CALN1: variants seen among roughly 807,000 people sequenced by gnomAD.
CALN1 encodes calcium-binding protein 8.
Under a neutral mutation model 30.6 loss-of-function variants are expected in CALN1, and 17 were observed. The observed-to-expected ratio is 0.56, with a 90% CI of 0.38 to 0.83. The LOEUF is 0.83. Ranked by LOEUF, CALN1 falls within the 40% of genes least tolerant of loss-of-function variation. The probability of loss-of-function intolerance (pLI) is 0.00; values close to 1 mark genes in which losing one functional copy is unlikely to be tolerated. For synonymous variants in CALN1, 156 were observed against 131.4 expected, an observed-to-expected ratio of 1.19 and a Z score of -1.28; for missense variants, 291 against 354.9, an observed-to-expected ratio of 0.82 and a Z score of 1.45.
intron 3 of CALN1, among the ~76,000 whole-genome samples, chr7:72,239,398 AAAATAAATAAAT>A (rs140300719): frequency 5.9e-5 from 9 of 151,930 alleles, no homozygotes; most frequent in African/African-American, 2.2e-4. Context: ...CTTGTCCCTA[AAAATAAATAAAT>A]AAATAAATAA....
intron 2 of CALN1, among the ~76,000 whole-genome samples, chr7:72,399,828 G>T (rs764509352): frequency 1.3e-5 from 2 of 152,084 alleles, no homozygotes; most frequent in African/African-American, 4.8e-5. Flanking sequence ...GAGGTGTTTG[G>T]GTCATGCAGG....
At chr7:72,399,834 G>T (rs1463711529) in intron 2 of CALN1, among the ~76,000 whole-genome samples, 2 of 152,186 alleles carry the variant, frequency 1.3e-5, no homozygotes, top group Non-Finnish European at 2.9e-5. Context: ...TTTGGGTCAT[G>T]CAGGCGGATG....
At chr7:71,839,954 G>A (rs780739561) in intron 5 of CALN1, among the ~76,000 whole-genome samples, 4 of 152,114 alleles carry the variant, frequency 2.6e-5, no homozygotes, top group South Asian at 2.1e-4. Flanking sequence ...GCAGTGCCAC[G>A]GCTGTCTTTG....
intron 2 of CALN1, among the ~76,000 whole-genome samples, chr7:72,342,410 CT>C (rs1291810092): frequency 6.6e-6 from 1 of 152,206 alleles, no homozygotes; most frequent in Non-Finnish European, 1.5e-5. Flanking sequence ...TTTGCTCCAA[CT>C]TTTATTCAAT....
At chr7:72,096,564 T>C (rs928248235) in intron 4 of CALN1, among the ~76,000 whole-genome samples, 9 of 152,096 alleles carry the variant, frequency 5.9e-5, no homozygotes, top group African/African-American at 2.2e-4. Flanking sequence ...CCCAGCCCTT[T>C]GGGAGACCGA....
At chr7:71,914,778 T>G (rs1284391785) in intron 5 of CALN1, among the ~76,000 whole-genome samples, 2 of 152,190 alleles carry the variant, frequency 1.3e-5, no homozygotes, top group Non-Finnish European at 2.9e-5. Context: ...AGTTTTGATC[T>G]GCATTTCTCT....
chr7:71,876,996 A>G (rs1005679443), intron 5 of CALN1, among the ~76,000 whole-genome samples: 2 of 152,246 alleles, frequency 1.3e-5, no homozygotes, highest in Admixed American at 1.3e-4. Context: ...GCAATCAATT[A>G]GAACCCTTGT....
chr7:72,262,886 T>G (rs1796358126), intron 3 of CALN1, among the ~76,000 whole-genome samples: 2 of 152,124 alleles, frequency 1.3e-5, no homozygotes, highest in Non-Finnish European at 1.5e-5. Flanking sequence ...GAGGTTGAAG[T>G]GGGGGAGTAG....
At chr7:72,106,057 T>C in intron 4 of CALN1, 94 bp downstream of exon 4, 1 of 1,463,520 alleles carries the variant, frequency 6.8e-7, no homozygotes, top group Non-Finnish European at 9.2e-7. Flanking sequence ...ACCAAGTCTC[T>C]GGATTTAAAA....
chr7:72,180,092 C>T (rs979063933), intron 3 of CALN1, among the ~76,000 whole-genome samples: 1 of 152,264 alleles, frequency 6.6e-6, no homozygotes, highest in East Asian at 1.9e-4. Context: ...ATTGACTTGT[C>T]GCAGAAACCG....
At chr7:72,340,089 C>G (rs924919046) in intron 2 of CALN1, among the ~76,000 whole-genome samples, 3 of 152,216 alleles carry the variant, frequency 2.0e-5, no homozygotes, top group Non-Finnish European at 4.4e-5. Context: ...GGACTAAACT[C>G]TAACTGTGGT....
At chr7:71,859,380 G>A (rs1162727369) in intron 5 of CALN1, among the ~76,000 whole-genome samples, 3 of 152,048 alleles carry the variant, frequency 2.0e-5, no homozygotes, top group Non-Finnish European at 4.4e-5. Context: ...GTTGACCTCC[G>A]GACACCAAGT....
chr7:72,312,023 T>C (rs1800087984), intron 2 of CALN1, among the ~76,000 whole-genome samples: 1 of 152,006 alleles, frequency 6.6e-6, no homozygotes. Context: ...CTGAGTAAGA[T>C]CCATGTCCCC....
chr7:72,329,827 A>G (rs1416981550), intron 2 of CALN1, among the ~76,000 whole-genome samples: 1 of 151,582 alleles, frequency 6.6e-6, no homozygotes, highest in African/African-American at 2.4e-5. Flanking sequence ...GGTGCCACGC[A>G]CCTGTAATTC....
intron 5 of CALN1, among the ~76,000 whole-genome samples, chr7:71,970,196 C>T (rs568638569): frequency 6.1e-4 from 93 of 152,082 alleles, no homozygotes; most frequent in African/African-American, 2.0e-3. Flanking sequence ...ATGTACTGTC[C>T]GAGAAAAGAC....
chr7:71,873,314 T>G (rs1323105705), intron 5 of CALN1, among the ~76,000 whole-genome samples: 2 of 151,996 alleles, frequency 1.3e-5, no homozygotes, highest in Admixed American at 6.6e-5. Context: ...AGCCGAAAAT[T>G]TTTTTTTGTG....
At chr7:72,222,931 G>A (rs1041062412) in intron 3 of CALN1, among the ~76,000 whole-genome samples, 1 of 152,156 alleles carries the variant, frequency 6.6e-6, no homozygotes, top group Non-Finnish European at 1.5e-5. Context: ...TGAGGCAGGA[G>A]GATCGCTTCA....
intron 4 of CALN1, among the ~76,000 whole-genome samples, chr7:72,095,243 TAATA>T (rs1326268444): frequency 2.0e-5 from 3 of 152,144 alleles, no homozygotes; most frequent in Non-Finnish European, 2.9e-5. Flanking sequence ...CTAAGTAAGT[TAATA>T]AATAAAGTGC....
At chr7:72,268,802 C>CAA (rs1403563780) in intron 3 of CALN1, among the ~76,000 whole-genome samples, 13 of 151,334 alleles carry the variant, frequency 8.6e-5, no homozygotes, top group East Asian at 2.0e-4. Flanking sequence ...GCCACACACA[C>CAA]ACACACACAC....
Sources: allele counts gnomAD v4.1 joint callset (sites outside exome capture counted in the v4.1 genomes callset), GRCh38; gene constraint gnomAD v4.1.1; transcripts MANE v1.5; gene names NCBI Gene and HGNC (gene_info 2026-07-23, HGNC 2026-07-21).